HYCC2: variants seen among roughly 807,000 people sequenced by gnomAD.
The protein encoded by HYCC2 is hyccin 2.
At chr2:201,021,026 C>T in the HYCC2 span, among the ~76,000 whole-genome samples, 1 of 152,162 alleles carries the variant, frequency 6.6e-6, no homozygotes, top group Non-Finnish European at 1.5e-5. Flanking sequence ...CTCCGCCTCC[C>T]AAAGTGCTGA....
the HYCC2 span, among the ~76,000 whole-genome samples, chr2:201,041,949 C>A: frequency 1.3e-5 from 2 of 152,124 alleles, no homozygotes; most frequent in Admixed American, 1.3e-4. Context: ...CTCTCCCCCT[C>A]CCCCTCCCCT....
At chr2:201,018,261 G>A in the HYCC2 span, among the ~76,000 whole-genome samples, 4 of 152,086 alleles carry the variant, frequency 2.6e-5, no homozygotes, top group South Asian at 2.1e-4. Flanking sequence ...TGGAGTAACC[G>A]TAGGCTGCAG....
chr2:201,068,267 A>C, the HYCC2 span, among the ~76,000 whole-genome samples: 1 of 152,160 alleles, frequency 6.6e-6, no homozygotes, highest in Admixed American at 6.6e-5. Flanking sequence ...AGCCAGGGCA[A>C]CAAAAGTGAA....
At chr2:201,037,086 T>C in the HYCC2 span, among the ~76,000 whole-genome samples, 2 of 152,172 alleles carry the variant, frequency 1.3e-5, no homozygotes, top group Non-Finnish European at 2.9e-5. Context: ...ATCACAAGCA[T>C]TCTTATACAC....
the HYCC2 span, among the ~76,000 whole-genome samples, chr2:201,062,823 A>G: frequency 6.7e-6 from 1 of 148,676 alleles, no homozygotes; most frequent in Non-Finnish European, 1.5e-5. Flanking sequence ...GTCTCCAAAA[A>G]TAATAATAAT....
chr2:200,978,178 T>C, the HYCC2 span: 1 of 152,190 alleles, frequency 6.6e-6, no homozygotes, highest in African/African-American at 2.4e-5. Context: ...ATGCCAAAAA[T>C]AATGCATGTT....
At chr2:201,024,138 T>C in the HYCC2 span, 51 of 641,180 alleles carry the variant, frequency 8.0e-5, no homozygotes, top group South Asian at 9.0e-4. Flanking sequence ...TAATCTACTA[T>C]ACATTTTAGA....
the HYCC2 span, among the ~76,000 whole-genome samples, chr2:201,068,667 CA>C: frequency 6.6e-6 from 1 of 152,096 alleles, no homozygotes; most frequent in Non-Finnish European, 1.5e-5. Context: ...AAATTAGGTC[CA>C]AACTTTTTCA....
At chr2:200,992,138 A>G in the HYCC2 span, 1 of 580,454 alleles carries the variant, frequency 1.7e-6, no homozygotes, top group South Asian at 2.3e-5. Context: ...ACCTAAACCT[A>G]TTTTGTTTTT....
At chr2:200,985,949 T>C in the HYCC2 span, among the ~76,000 whole-genome samples, 2 of 152,360 alleles carry the variant, frequency 1.3e-5, no homozygotes, top group East Asian at 3.9e-4. Context: ...TAGTACTATA[T>C]TTAGCATAAA....
chr2:201,000,512 C>T, the HYCC2 span, among the ~76,000 whole-genome samples: 1 of 151,978 alleles, frequency 6.6e-6, no homozygotes, highest in African/African-American at 2.4e-5. Flanking sequence ...AAGTAAATAC[C>T]AGAATGCCAT....
the HYCC2 span, chr2:201,016,943 G>T: frequency 6.5e-7 from 1 of 1,534,342 alleles, no homozygotes; most frequent in Non-Finnish European, 9.0e-7. Flanking sequence ...TATTTCAGAG[G>T]ACCTTAAAAA....
chr2:201,045,929 T>C, the HYCC2 span, among the ~76,000 whole-genome samples: 19 of 152,166 alleles, frequency 1.2e-4, no homozygotes, highest in African/African-American at 4.3e-4. Flanking sequence ...ATGACTCTTT[T>C]GAAACATGTT....
At chr2:201,043,908 T>TG in the HYCC2 span, among the ~76,000 whole-genome samples, 2 of 152,160 alleles carry the variant, frequency 1.3e-5, no homozygotes, top group Non-Finnish European at 2.9e-5. Flanking sequence ...TTTTTTGAGA[T>TG]GGGGTCTCGC....
At chr2:200,983,556 C>T in the HYCC2 span, among the ~76,000 whole-genome samples, 1 of 152,112 alleles carries the variant, frequency 6.6e-6, no homozygotes, top group Non-Finnish European at 1.5e-5. Context: ...TATGAAAATG[C>T]ATTTACTAAG....
At chr2:200,999,976 C>T in the HYCC2 span, among the ~76,000 whole-genome samples, 2 of 146,462 alleles carry the variant, frequency 1.4e-5, no homozygotes, top group Non-Finnish European at 3.0e-5. Flanking sequence ...GAGAATCACT[C>T]GAACCCGAGA....
the HYCC2 span, among the ~76,000 whole-genome samples, chr2:201,003,677 C>T: frequency 1.3e-5 from 2 of 150,542 alleles, no homozygotes; most frequent in Non-Finnish European, 3.0e-5. Context: ...CCACTGCACT[C>T]CAGCCTGGGC....
At chr2:201,004,584 C>T in the HYCC2 span, among the ~76,000 whole-genome samples, 1 of 152,184 alleles carries the variant, frequency 6.6e-6, no homozygotes, top group Non-Finnish European at 1.5e-5. Flanking sequence ...TGGGTCCTGA[C>T]AGGAACAGAC....
chr2:200,980,560 G>C, the HYCC2 span: 1 of 152,716 alleles, frequency 6.5e-6, no homozygotes, highest in Non-Finnish European at 1.5e-5. Context: ...TACAGCCATT[G>C]AGAAAGTGCA....
Sources: allele counts gnomAD v4.1 joint callset (sites outside exome capture counted in the v4.1 genomes callset), GRCh38; gene constraint gnomAD v4.1.1; transcripts MANE v1.5; gene names NCBI Gene and HGNC (gene_info 2026-07-23, HGNC 2026-07-21).